NRG1: variants seen among roughly 807,000 people sequenced by gnomAD.
The protein encoded by NRG1 is pro-neuregulin-1, membrane-bound isoform.
Under a neutral mutation model 63.8 loss-of-function variants are expected in NRG1, and 18 were observed. That is an observed-to-expected ratio of 0.28 (90% CI 0.19 to 0.42). The LOEUF (loss-of-function observed/expected upper bound fraction) is 0.42, where lower values mean the gene tolerates loss of function less well. Among genes scored for constraint, NRG1 ranks in the 10% least tolerant of loss-of-function variants. NRG1 has a pLI of 1.00. For synonymous variants in NRG1, 302 were observed against 301.3 expected (o/e 1.00, Z -0.02); for missense variants, 762 against 814.7 (o/e 0.94, Z 0.79).
At chr8:32,169,488 G>T (rs187373629) in intron 1 of NRG1, among the ~76,000 whole-genome samples, 1 of 152,236 alleles carries the variant, frequency 6.6e-6, no homozygotes, top group East Asian at 1.9e-4. Flanking sequence ...TAACTTTTAG[G>T]GATCCAATAG....
intron 1 of NRG1, among the ~76,000 whole-genome samples, chr8:32,193,444 TTTAATTATCTACA>T (rs1432885307): frequency 3.9e-5 from 6 of 151,934 alleles, no homozygotes; most frequent in Non-Finnish European, 1.5e-5. Flanking sequence ...ACAATCAACT[TTTAATTATCTACA>T]CTAATGGAGT....
intron 1 of NRG1, among the ~76,000 whole-genome samples, chr8:31,708,924 CTA>C (rs1201100256): frequency 6.6e-6 from 1 of 152,140 alleles, no homozygotes; most frequent in African/African-American, 2.4e-5. Context: ...AACTTAAGTA[CTA>C]ATAGTCTACT....
chr8:31,680,591 C>G (rs1486598004), intron 1 of NRG1, among the ~76,000 whole-genome samples: 1 of 149,956 alleles, frequency 6.7e-6, no homozygotes, highest in Non-Finnish European at 1.5e-5. Context: ...AATAGTGCCA[C>G]AACAAACATA....
chr8:32,535,860 GAAGA>G (rs1831914410), intron 1 of NRG1, among the ~76,000 whole-genome samples: 1 of 152,144 alleles, frequency 6.6e-6, no homozygotes, highest in Non-Finnish European at 1.5e-5. Context: ...TTCAGAGGGA[GAAGA>G]AAGTGAGGTC....
At position 32,243,771 on chromosome 8, in the gene NRG1, G is replaced by T. The variant is rs554066969; in HGVS notation, c.38-352057G>T. ...TGAGGCTTTAATAGGTTTAGATGAG[G>T]TCAGGAGAGTGAAGTGCTTGTGTTG... On this transcript the variant is annotated intron_variant, in intron 1 of 10. Coordinates refer to the NRG1 transcript ENST00000519301. 2.0e-5 allele frequency among the ~76,000 whole-genome samples: 3 copies of T among 152,190 alleles called. No homozygotes were observed. The East Asian group carries it at 5.8e-4, about 29-fold the overall frequency.
At chr8:32,208,100 C>G (rs1004279509) in intron 1 of NRG1, among the ~76,000 whole-genome samples, 1 of 152,018 alleles carries the variant, frequency 6.6e-6, no homozygotes, top group Non-Finnish European at 1.5e-5. Flanking sequence ...GTGTTCTCAT[C>G]GAATAATTCT....
At chr8:32,243,020 T>G (rs1848262108) in intron 1 of NRG1, among the ~76,000 whole-genome samples, 1 of 152,120 alleles carries the variant, frequency 6.6e-6, no homozygotes, top group Admixed American at 6.6e-5. Context: ...AAGATTGTTC[T>G]GGGTCCTTCT....
At chr8:31,764,273 T>C (rs1013637157) in intron 1 of NRG1, among the ~76,000 whole-genome samples, 2 of 152,102 alleles carry the variant, frequency 1.3e-5, no homozygotes, top group Admixed American at 1.3e-4. Flanking sequence ...AACGGTGATA[T>C]CTTGCAAAAC....
chr8:31,996,167 C>A (rs1811939797), intron 1 of NRG1, among the ~76,000 whole-genome samples: 1 of 151,694 alleles, frequency 6.6e-6, no homozygotes, highest in South Asian at 2.1e-4. Flanking sequence ...GGCCTCATTT[C>A]TTTTATCTTA....
chr8:32,615,942 G>C (rs188527097), intron 4 of NRG1, among the ~76,000 whole-genome samples: 1 of 152,106 alleles, frequency 6.6e-6, no homozygotes, highest in Admixed American at 6.6e-5. Context: ...CTGTAATATA[G>C]GGACTTCGTT....
chr8:32,287,505 T>G (rs1445749283), intron 1 of NRG1: 1 of 152,224 alleles, frequency 6.6e-6, no homozygotes, highest in Non-Finnish European at 1.5e-5. Context: ...TCAGTCATCT[T>G]TCATGTATCC....
intron 1 of NRG1, among the ~76,000 whole-genome samples, chr8:32,140,565 G>A (rs1278606930): frequency 6.6e-6 from 1 of 151,778 alleles, no homozygotes; most frequent in Non-Finnish European, 1.5e-5. Context: ...TGGGTCAAGT[G>A]ATCATCCTTC....
At chr8:32,529,907 A>C (rs910011559) in intron 1 of NRG1, among the ~76,000 whole-genome samples, 9 of 152,212 alleles carry the variant, frequency 5.9e-5, no homozygotes, top group Admixed American at 2.6e-4. Context: ...AATAAAAAGG[A>C]TAGTAAATAC....
intron 1 of NRG1, among the ~76,000 whole-genome samples, chr8:32,074,002 A>G (rs999999569): frequency 3.9e-5 from 6 of 152,204 alleles, no homozygotes; most frequent in Non-Finnish European, 8.8e-5. Context: ...TACAAGTATC[A>G]CTAGACAAAG....
chr8:32,080,764 C>CGTGTGTGTGT (rs3084557), intron 1 of NRG1, among the ~76,000 whole-genome samples: 1 of 148,728 alleles, frequency 6.7e-6, no homozygotes, highest in African/African-American at 2.5e-5. Flanking sequence ...TGTGTGTGTG[C>CGTGTGTGTGT]GTGTGTGTGT....
rs1238012915 is a variant in NRG1 at position 31,680,185 on chromosome 8, C to T, written c.37+40754C>T. Among the ~76,000 whole-genome samples, 5 of 151,938 alleles carry T rather than the reference C, an allele frequency of 3.3e-5. No homozygotes were observed. The East Asian group carries it at 9.7e-4, about 30-fold the overall frequency. On this transcript the variant is annotated intron_variant, in intron 1 of 10. Coordinates refer to the NRG1 transcript ENST00000519301. ...CTTTAAGTTTTAGGGTACATGTGCA[C>T]AATGTGCAGGTTAGTTACATATGTA...
chr8:31,722,321 T>C (rs1446664776), intron 1 of NRG1, among the ~76,000 whole-genome samples: 1 of 152,134 alleles, frequency 6.6e-6, no homozygotes, highest in Non-Finnish European at 1.5e-5. Context: ...CCTGGCTCTT[T>C]GACACTGGGC....
At chr8:31,642,202 C>T (rs1803863207) in intron 1 of NRG1, among the ~76,000 whole-genome samples, 1 of 152,122 alleles carries the variant, frequency 6.6e-6, no homozygotes, top group Non-Finnish European at 1.5e-5. Flanking sequence ...AGCTCAGCAC[C>T]ATCGTACTGC....
intron 1 of NRG1, among the ~76,000 whole-genome samples, chr8:32,119,139 G>A (rs564344076): frequency 4.6e-5 from 7 of 151,872 alleles, no homozygotes; most frequent in Non-Finnish European, 8.8e-5. Flanking sequence ...AAACATAGAA[G>A]GTTCTATTAT....
Sources: allele counts gnomAD v4.1 joint callset (sites outside exome capture counted in the v4.1 genomes callset), GRCh38; gene constraint gnomAD v4.1.1; transcripts MANE v1.5; gene names NCBI Gene and HGNC (gene_info 2026-07-23, HGNC 2026-07-21).